TASOR2: variants seen among roughly 807,000 people sequenced by gnomAD.
TASOR2 encodes the protein protein TASOR 2.
In TASOR2, 84 loss-of-function variants were observed where a neutral mutation model predicts 199.5. That is an observed-to-expected ratio of 0.42 (90% confidence interval 0.35 to 0.50). TASOR2 has a LOEUF of 0.50. TASOR2 is among the 20% of genes least tolerant of loss of function. The pLI is 0.02. For missense variants in TASOR2, 2,796 were observed against 2,835.9 expected (o/e 0.99, Z 0.32); for synonymous variants, 1,103 against 1,046.6 (o/e 1.05, Z -1.04).
intron 19 of TASOR2, among the ~76,000 whole-genome samples, chr10:5,762,076 G>A (rs1461406182): frequency 6.6e-6 from 1 of 152,006 alleles, no homozygotes; most frequent in African/African-American, 2.4e-5. Flanking sequence ...AGGAATTTGA[G>A]GCCAGCCTGG....
At chr10:5,713,065 G>A (rs1174644590) in intron 2 of TASOR2, 147 bp downstream of exon 2, 2 of 405,830 alleles carry the variant, frequency 4.9e-6, no homozygotes, top group African/African-American at 4.1e-5. Context: ...CAACAAAAAA[G>A]CCAGTCATGA....
rs762756320 is a variant in TASOR2 at position 5,740,034 on chromosome 10, C to A, written c.1864C>A (p.Pro622Thr). The A allele has an allele frequency of 9.9e-6, 16 of 1,613,948 alleles. No homozygotes were observed. The highest frequency in any genetic ancestry group is 1.4e-5 in the Non-Finnish European group (16 of 1,180,056). ...TAGCCAAGATGAAGAAAGCTTGGTT[C>A]CTTGTAGTCAGGCCCCTGCTAAAGC... Residue 622 changes from proline (P) to threonine (T), a missense_variant, in exon 13 of 21, where the codon CCT becomes ACT. Around this residue, in one of 3 missense-constraint regions of TASOR2, gnomAD observed 847 missense variants for 887.4 expected, o/e 0.95. Transcript: ENST00000328090. This position sits in a 1 kb window ranked among gnomAD's most constrained non-coding sequence, Gnocchi z 5.3.
chr10:5,720,066 T>A lies in TASOR2; in HGVS notation c.-99-478T>A, dbSNP rs1273204895. On this transcript the variant is annotated intron_variant, in intron 3 of 20. Coordinates refer to ENST00000328090, the Ensembl canonical transcript of TASOR2. The surrounding 1 kb of genome is among the most constrained non-coding windows in gnomAD (Gnocchi z 5.3). ...AAATGTCCAAAATTTTTGAGTCCATTTTTAAGGGTTCATGGATAATCAAAA... is the reference window on the plus strand; with the variant it reads ...AAATGTCCAAAATTTTTGAGTCCATATTTAAGGGTTCATGGATAATCAAAA... Among the ~76,000 whole-genome samples the A allele has an allele frequency of 6.6e-6, 1 of 152,200 alleles. No homozygotes were observed. Among genetic ancestry groups the A allele is most frequent in the Non-Finnish European group, 1.5e-5 (1 of 68,028 alleles).
intron 11 of TASOR2, among the ~76,000 whole-genome samples, chr10:5,732,563 T>G (rs1213862880): frequency 1.3e-5 from 2 of 152,214 alleles, no homozygotes; most frequent in Non-Finnish European, 2.9e-5. Flanking sequence ...GTTTGGAGTT[T>G]TCTGTTTTTG....
Position 5,689,762 on chromosome 10 carries a change from T to C in TASOR2, c.-288+4587T>C, listed in dbSNP as rs912153978. 6.6e-6 allele frequency among the ~76,000 whole-genome samples: 1 copy of C among 152,372 alleles called. No individual in the cohort carries two copies. The highest frequency in any genetic ancestry group is 2.4e-5 in the African/African-American group (1 of 41,590). On this transcript the variant is annotated intron_variant, in intron 1 of 20. Transcript: ENST00000328090. The surrounding 1 kb of genome is among the most constrained non-coding windows in gnomAD (Gnocchi z 4.1). The stretch of plus-strand genomic sequence containing the variant: ...TAAATAATTTTTTAAATTATCTACA[T>C]AGTAAATATTCTCTTCTGGTCTTTT...
At position 5,701,524 on chromosome 10, in the gene TASOR2, T is replaced by C. The variant is rs1406774306; in HGVS notation, c.-287-11299T>C. Among the ~76,000 whole-genome samples the C allele has an allele frequency of 6.6e-6, 1 of 152,194 alleles. No individual in the cohort carries two copies. The highest frequency in any genetic ancestry group is 2.4e-5 in the African/African-American group (1 of 41,464). ...ATGTCATTGGAATTTTGATAGGGAT[T>C]GATTGCATTGAATCTGTAAATTGGC... is the stretch of plus-strand genomic sequence containing the variant. On this transcript the variant is annotated intron_variant, in intron 1 of 20. Transcript: ENST00000328090. The surrounding 1 kb of genome is among the most constrained non-coding windows in gnomAD (Gnocchi z 4.9).
chr10:5,708,606 T>A (rs12217345), intron 1 of TASOR2, among the ~76,000 whole-genome samples: 2 of 47,076 alleles, frequency 4.2e-5, no homozygotes, highest in Non-Finnish European at 4.1e-5. Context: ...ATCTCTTCCT[T>A]CCTCCCTCCC....
rs1835847162 is a variant in TASOR2, at chr10:5,737,881, T to C, written c.1448-1737T>C. On this transcript the variant is annotated intron_variant, in intron 12 of 20. Coordinates refer to ENST00000328090, the Ensembl canonical transcript of TASOR2. The surrounding 1 kb of genome is among the most constrained non-coding windows in gnomAD (Gnocchi z 4.9). ...GCCCAGAAAATTTAAAGTTTCAAAATGTGTGTTCAAATACAGGCTGATTTG... is the reference window on the plus strand; with the variant it reads ...GCCCAGAAAATTTAAAGTTTCAAAACGTGTGTTCAAATACAGGCTGATTTG... Among the ~76,000 whole-genome samples the C allele has an allele frequency of 1.3e-5, 2 of 152,236 alleles. No homozygotes were observed. The highest frequency in any genetic ancestry group is 4.1e-4 in the South Asian group (2 of 4,830).
Position 5,752,485 on chromosome 10 carries a change from AC to A in TASOR2, c.6606+2459del, listed in dbSNP as rs1345025252. On this transcript the variant is annotated intron_variant, in intron 15 of 20. Transcript: ENST00000328090. The surrounding 1 kb of genome is among the most constrained non-coding windows in gnomAD (Gnocchi z 4.4). The stretch of plus-strand genomic sequence containing the variant: ...GGCCGTGTGTCGGCTCCACATGCCC[AC>A]TGGGTCTGTCTCAGACTTCACTTAC... 6.6e-6 allele frequency among the ~76,000 whole-genome samples: 1 copy of A among 152,118 alleles called. No individual in the cohort carries two copies.
intron 8 of TASOR2, among the ~76,000 whole-genome samples, chr10:5,725,227 G>A (rs549159190): frequency 1.3e-5 from 2 of 151,750 alleles, no homozygotes; most frequent in Non-Finnish European, 2.9e-5. Context: ...GTGAAACCCT[G>A]TCTGTACTAA....
At chr10:5,735,238 A>C in intron 11 of TASOR2, 66 bp from the exon 13 acceptor site, 7 of 1,543,442 alleles carry the variant, frequency 4.5e-6, no homozygotes, top group Non-Finnish European at 6.1e-6. Context: ...AAAACAAAAA[A>C]TGGAAAAGCT....
chr10:5,761,511 T>G, intron 19 of TASOR2, 40 bp downstream of exon 20: 2 of 1,581,436 alleles, frequency 1.3e-6, no homozygotes, highest in Non-Finnish European at 1.7e-6. Context: ...ATGCCAAAAT[T>G]GGTCAGCTCT....
At chr10:5,694,700 T>C (rs1316334909) in intron 1 of TASOR2, among the ~76,000 whole-genome samples, 1 of 152,174 alleles carries the variant, frequency 6.6e-6, no homozygotes, top group Non-Finnish European at 1.5e-5. Context: ...AAAAATAGCA[T>C]GCATAAATGA....
chr10:5,762,526 T>TTTTTAAAATAA lies in TASOR2; in HGVS notation c.7175-6_7175-5insTTTTAAAATAA. The TTTTTAAAATAA allele has an allele frequency of 1.4e-6, 1 of 699,658 alleles. No homozygotes were observed. Among genetic ancestry groups the TTTTTAAAATAA allele is most frequent in the Non-Finnish European group, 2.2e-6 (1 of 449,620 alleles). The allele number at this position is 699,658 out of a possible 1,614,324, so 43.3% of individuals were successfully genotyped here. On this transcript the variant is annotated splice_region_variant and splice_polypyrimidine_tract_variant and intron_variant, in intron 19 of 20. Transcript: ENST00000328090. ...ACCAAAAGTTGTTTTTTTTTTTTTT[T>TTTTTAAAATAA]AACAGACAAGCCTACTATCCCCAGA...
At position 5,761,271 on chromosome 10, in the gene TASOR2, G is replaced by A. The variant is rs1564377016; in HGVS notation, c.6993-19G>A. On this transcript the variant is annotated intron_variant, in intron 18 of 20. Transcript: ENST00000328090. The stretch of plus-strand genomic sequence containing the variant: ...ATAAAACTGAAAAATATTTTAATAT[G>A]CCTATGTATCTTTCACAGAGTGGAT... The A allele has an allele frequency of 5.6e-6, 9 of 1,595,576 alleles. No homozygotes were observed. The highest frequency in any genetic ancestry group is 7.7e-6 in the Non-Finnish European group (9 of 1,169,588).
chr10:5,729,777 T>G (rs1588767695), intron 10 of TASOR2, among the ~76,000 whole-genome samples: 1 of 128,756 alleles, frequency 7.8e-6, no homozygotes, highest in Non-Finnish European at 1.5e-5. Context: ...TCTGAAATTT[T>G]ATAGGATTTT....
At chr10:5,741,602 G>A (rs898434314) in intron 13 of TASOR2, among the ~76,000 whole-genome samples, 2 of 152,152 alleles carry the variant, frequency 1.3e-5, no homozygotes, top group Admixed American at 1.3e-4. Context: ...CAGAACTGTA[G>A]TCTGAAAATA....
intron 14 of TASOR2, among the ~76,000 whole-genome samples, chr10:5,743,252 C>T (rs1160938558): frequency 6.6e-6 from 1 of 152,202 alleles, no homozygotes; most frequent in African/African-American, 2.4e-5. Context: ...AAAGAGTAGA[C>T]AGTGTTCCTA....
chr10:5,711,557 AG>A (rs1564276896), intron 1 of TASOR2, among the ~76,000 whole-genome samples: 1 of 152,158 alleles, frequency 6.6e-6, no homozygotes, highest in Non-Finnish European at 1.5e-5. Context: ...TAAAATGGTT[AG>A]ATGCAAGAGT....
Sources: allele counts gnomAD v4.1 joint callset (sites outside exome capture counted in the v4.1 genomes callset), GRCh38; gene constraint gnomAD v4.1.1; regional missense constraint gnomAD v4.1.1; non-coding constraint Gnocchi (gnomAD v3.1); transcripts MANE v1.5; gene names NCBI Gene and HGNC (gene_info 2026-07-23, HGNC 2026-07-21).